PCDHA10: variants seen among roughly 807,000 people sequenced by gnomAD.
PCDHA10 encodes the protein protocadherin alpha-10.
A neutral mutation model predicts 61.2 loss-of-function variants in PCDHA10; 45 were observed. The ratio of observed to expected loss-of-function variants is 0.74; its 90% CI spans 0.58 to 0.94. The LOEUF is 0.94. Among genes scored for constraint, PCDHA10 ranks in the 40% least tolerant of loss-of-function variants. PCDHA10 has a pLI of 0.00. For missense variants in PCDHA10, 1,278 were observed against 1,236.2 expected (o/e 1.03, Z -0.51); for synonymous variants, 602 against 548.8 (o/e 1.10, Z -1.35).
chr5:140,926,828 C>T (rs2083578925), intron 1 of PCDHA10: 1 of 1,501,376 alleles, frequency 6.7e-7, no homozygotes, highest in African/African-American at 1.4e-5. Flanking sequence ...TCCAGGAGTC[C>T]GGAGCATGGT....
At chr5:140,934,258 A>G (rs2089731137) in intron 1 of PCDHA10, among the ~76,000 whole-genome samples, 1 of 152,140 alleles carries the variant, frequency 6.6e-6, no homozygotes, top group Non-Finnish European at 1.5e-5. Flanking sequence ...ATCAAAATTA[A>G]TAATAATCAG....
chr5:140,989,127 A>G (rs914524582), intron 3 of PCDHA10: 2 of 152,216 alleles, frequency 1.3e-5, no homozygotes, highest in Non-Finnish European at 2.9e-5. Context: ...TAGAAAAATA[A>G]GACACTTTAT....
chr5:140,857,825 G>C lies in PCDHA10; in HGVS notation c.1777G>C (p.Val593Leu). The stretch of plus-strand genomic sequence containing the variant: ...GGTTGCGGGTCACGTGGTGGCTAAG[G>C]TGCGCGCAGTGGACGCTGACTCTGG... ...SVVAGHVVAK[V>L]RAVDADSGYN... is the part of the protein sequence containing the mutation. Residue 593 changes from valine (V) to leucine (L), a missense_variant, in exon 1 of 4, where the codon GTG becomes CTG. Transcript: ENST00000307360. 6.3e-7 allele frequency: 1 copy of C among 1,597,886 alleles called. No homozygotes were observed. Among genetic ancestry groups the C allele is most frequent in the Middle Eastern group, 1.7e-4 (1 of 5,860 alleles).
At chr5:140,945,641 C>T (rs1253716354) in intron 1 of PCDHA10, among the ~76,000 whole-genome samples, 3 of 151,972 alleles carry the variant, frequency 2.0e-5, no homozygotes, top group Non-Finnish European at 2.9e-5. Context: ...GACATGTAGA[C>T]CAATGGAGCA....
In PCDHA10 at chr5:140,858,255, C is replaced by G; in HGVS notation, c.2207C>G (p.Thr736Arg). ...TEGACGPVKP[T>R]LVCSSAVGSW... ...GGCGCATGTGGGCCGGTGAAGCCCA[C>G]GCTGGTGTGCTCTAGCGCGGTGGGG... The change falls in exon 1 of 4, where the codon ACG (threonine) becomes AGG (arginine). Residue 736 changes from threonine to arginine, a missense_variant. Transcript: ENST00000307360. 10 of 1,596,962 alleles carry G rather than the reference C, an allele frequency of 6.3e-6. No homozygotes were observed. The highest frequency in any genetic ancestry group is 1.7e-4 in the Middle Eastern group (1 of 5,924).
intron 3 of PCDHA10, among the ~76,000 whole-genome samples, chr5:141,007,395 C>CAAA (rs35800918): frequency 7.4e-5 from 7 of 94,852 alleles, no homozygotes; most frequent in Non-Finnish European, 1.2e-4. Flanking sequence ...TACTAAAATA[C>CAAA]AAAAAAAAAA....
chr5:140,926,212 T>G (rs1261895253), intron 1 of PCDHA10, among the ~76,000 whole-genome samples: 2 of 152,204 alleles, frequency 1.3e-5, no homozygotes, highest in Non-Finnish European at 2.9e-5. Context: ...GGGCTCCTGT[T>G]TCCTTAAGCC....
Position 140,982,613 on chromosome 5 carries a change from A to G in PCDHA10, c.2536+50A>G, listed in dbSNP as rs201150239. ...CTTTCTTGGTTTCTGGAAAGTGATC[A>G]GATGACCTACTTTTGTAAGATCAGG... On this transcript the variant is annotated intron_variant, in intron 3 of 3. Transcript: ENST00000307360. 2.7e-5 allele frequency: 43 copies of G among 1,599,298 alleles called. No individual in the cohort carries two copies. The Admixed American group carries it at 7.0e-4, about 26-fold the overall frequency.
chr5:140,930,257 A>C (rs1412873070), intron 1 of PCDHA10: 1 of 152,218 alleles, frequency 6.6e-6, no homozygotes, highest in Non-Finnish European at 1.5e-5. Flanking sequence ...ACTTGGATTT[A>C]ATTTCTTTTA....
At chr5:140,888,623 C>T (rs1456857060) in intron 1 of PCDHA10, among the ~76,000 whole-genome samples, 1 of 152,160 alleles carries the variant, frequency 6.6e-6, no homozygotes. Context: ...ACTAATTCGG[C>T]CTTCTATTAC....
intron 1 of PCDHA10, chr5:140,927,843 C>T (rs1563097859): frequency 1.2e-6 from 2 of 1,614,186 alleles, no homozygotes; most frequent in Non-Finnish European, 1.7e-6. Context: ...ACGAAGGTGT[C>T]TTTGGTTTAG....
chr5:140,929,101 A>G (rs1554206680), intron 1 of PCDHA10: 3 of 1,614,242 alleles, frequency 1.9e-6, no homozygotes, highest in Admixed American at 1.7e-5. Flanking sequence ...AAATCCTTGC[A>G]TGACATCAGC....
chr5:140,869,586 CAT>C, intron 1 of PCDHA10: 6 of 1,614,150 alleles, frequency 3.7e-6, no homozygotes, highest in Non-Finnish European at 5.1e-6. Flanking sequence ...CTGATGCTGA[CAT>C]TGAAGAGAAT....
At chr5:140,969,493 C>T (rs1240479958) in intron 1 of PCDHA10, 5 of 1,445,166 alleles carry the variant, frequency 3.5e-6, no homozygotes, top group Non-Finnish European at 4.6e-6. Flanking sequence ...GCTATTTCCT[C>T]TCTAGAAAAA....
intron 1 of PCDHA10, among the ~76,000 whole-genome samples, chr5:140,948,792 T>C (rs1215416836): frequency 6.6e-6 from 1 of 151,646 alleles, no homozygotes; most frequent in Non-Finnish European, 1.5e-5. Context: ...TTTGTTGATA[T>C]ATTTTCTATT....
At chr5:140,965,851 A>C (rs1257954575) in intron 1 of PCDHA10, among the ~76,000 whole-genome samples, 1 of 152,252 alleles carries the variant, frequency 6.6e-6, no homozygotes, top group Non-Finnish European at 1.5e-5. Flanking sequence ...GCCAAGGCAC[A>C]CACTGAAAAT....
chr5:140,926,981 C>T (rs1420415867), intron 1 of PCDHA10: 3 of 1,610,216 alleles, frequency 1.9e-6, no homozygotes, highest in Admixed American at 1.7e-5. Context: ...CCGGAGGAGA[C>T]GGAGCGGGGC....
chr5:140,951,683 A>G (rs1389313679), intron 1 of PCDHA10, among the ~76,000 whole-genome samples: 1 of 152,160 alleles, frequency 6.6e-6, no homozygotes, highest in Non-Finnish European at 1.5e-5. Flanking sequence ...TGGGGATTAC[A>G]ATGTGACATG....
At chr5:140,970,791 T>A (rs2096434096) in intron 1 of PCDHA10, among the ~76,000 whole-genome samples, 2 of 152,210 alleles carry the variant, frequency 1.3e-5, no homozygotes, top group South Asian at 2.1e-4. Flanking sequence ...GTATGTAATA[T>A]CCATATTGTT....
Sources: gnomAD v4.1 joint callset for allele counts (sites outside exome capture counted in the v4.1 genomes callset) on GRCh38, gnomAD v4.1.1 for gene constraint, MANE v1.5 for transcripts, NCBI Gene and HGNC (gene_info 2026-07-23, HGNC 2026-07-21) for gene names.